The following TAPT1 variants were observed in gnomAD, a reference collection of about 807,000 sequenced individuals.
TAPT1 encodes the protein transmembrane anterior posterior transformation protein 1 homolog.
A neutral mutation model predicts 65.6 loss-of-function variants in TAPT1; 28 were observed. The ratio of observed to expected loss-of-function variants is 0.43; its 90% CI spans 0.32 to 0.59. TAPT1 has a LOEUF of 0.59. TAPT1 is among the 20% of genes least tolerant of loss of function. TAPT1 has a pLI of 0.09. For missense variants in TAPT1, 563 were observed against 679.9 expected, an observed-to-expected ratio of 0.83 and a Z score of 1.91; for synonymous variants, 278 against 245.2, an observed-to-expected ratio of 1.13 and a Z score of -1.25.
Position 16,213,875 on chromosome 4 carries a change from T to C in TAPT1, c.223A>G (p.Ser75Gly), listed in dbSNP as rs1397539962. ...AAGTACCCTCTTGTTAGTTCAGCACTGAGGAACCTCAACAATGAAAGCTCT... is the reference window on the plus strand; with the variant it reads ...AAGTACCCTCTTGTTAGTTCAGCACCGAGGAACCTCAACAATGAAAGCTCT... The part of the protein sequence containing the change: ...RTELSLLRFL[S>G]AELTRGYFLE... Residue 75 changes from serine (S) to glycine (G), a missense_variant, in exon 2 of 14, where the codon AGT (serine) becomes GGT (glycine). Transcript: ENST00000405303. The C allele has an allele frequency of 6.3e-7, 1 of 1,597,886 alleles. No individual in the cohort carries two copies.
chr4:16,168,722 T>C (rs993665646), intron 12 of TAPT1, among the ~76,000 whole-genome samples: 1 of 152,256 alleles, frequency 6.6e-6, no homozygotes, highest in African/African-American at 2.4e-5. Context: ...GTTTTTCTAG[T>C]TGTTGTCTAT....
At chr4:16,226,970 A>C (rs1188859576), upstream of TAPT1, 4 of 423,688 alleles carry the variant, frequency 9.4e-6, no homozygotes, top group Non-Finnish European at 1.9e-5. Context: ...GCCGCCCGCC[A>C]GGTCTTGGCA....
At chr4:16,169,887 C>T (rs1747881260) in intron 12 of TAPT1, among the ~76,000 whole-genome samples, 1 of 152,218 alleles carries the variant, frequency 6.6e-6, no homozygotes, top group Non-Finnish European at 1.5e-5. Flanking sequence ...GTTGTGACTG[C>T]TATGCTTACC....
chr4:16,202,331 G>C, intron 3 of TAPT1, 131 bp downstream of exon 3: 1 of 477,442 alleles, frequency 2.1e-6, no homozygotes, highest in Non-Finnish European at 3.8e-6. Context: ...CATTAAAAAG[G>C]TAAACAGTTT....
At chr4:16,204,698 C>T (rs918365102) in intron 2 of TAPT1, among the ~76,000 whole-genome samples, 5 of 152,168 alleles carry the variant, frequency 3.3e-5, no homozygotes, top group Admixed American at 6.5e-5. Flanking sequence ...TGTGCATGGC[C>T]GCAGTCTAGT....
At chr4:16,221,932 C>A (rs1296346677) in intron 1 of TAPT1, among the ~76,000 whole-genome samples, 1 of 152,148 alleles carries the variant, frequency 6.6e-6, no homozygotes, top group African/African-American at 2.4e-5. Flanking sequence ...AGTAAAGAAC[C>A]ATTTCACACA....
chr4:16,164,228 C>A (rs966574942), intron 13 of TAPT1, among the ~76,000 whole-genome samples: 1 of 152,166 alleles, frequency 6.6e-6, no homozygotes, highest in Non-Finnish European at 1.5e-5. Flanking sequence ...GTGCATACAC[C>A]TGGTCACACT....
intron 2 of TAPT1, among the ~76,000 whole-genome samples, chr4:16,211,248 A>G (rs937545205): frequency 2.0e-5 from 3 of 152,046 alleles, no homozygotes; most frequent in Non-Finnish European, 2.9e-5. Flanking sequence ...AATGAGTAAG[A>G]TATTATATAT....
At chr4:16,168,566 T>C (rs1451980917) in intron 12 of TAPT1, among the ~76,000 whole-genome samples, 1 of 152,138 alleles carries the variant, frequency 6.6e-6, no homozygotes, top group Non-Finnish European at 1.5e-5. Flanking sequence ...GCTGCACAGC[T>C]CCCTTCCTTA....
At chr4:16,188,876 C>T (rs1165079006) in intron 4 of TAPT1, among the ~76,000 whole-genome samples, 1 of 150,834 alleles carries the variant, frequency 6.6e-6, no homozygotes, top group Non-Finnish European at 1.5e-5. Flanking sequence ...GCCGAGATTG[C>T]GCCACTACAC....
At chr4:16,226,572 GCCAT>G, upstream of TAPT1, 7 of 696,454 alleles carry the variant, frequency 1.0e-5, no homozygotes, top group South Asian at 6.3e-5. Flanking sequence ...CGCCGCCGCC[GCCAT>G]CCGCGGCCCG....
chr4:16,214,694 G>A (rs1424366439), intron 1 of TAPT1: 1 of 152,172 alleles, frequency 6.6e-6, no homozygotes, highest in Non-Finnish European at 1.5e-5. Flanking sequence ...ACACTTCCCT[G>A]ATAGCCCATC....
intron 7 of TAPT1, 131 bp from the exon 8 acceptor site, chr4:16,179,788 T>TTATATATATATATATGTGTATATA: frequency 2.3e-6 from 1 of 430,184 alleles, no homozygotes; most frequent in Non-Finnish European, 4.1e-6. Flanking sequence ...ATATACAACT[T>TTATATATATATATATGTGTATATA]TATATATATA....
intron 2 of TAPT1, among the ~76,000 whole-genome samples, chr4:16,203,648 C>G (rs569652287): frequency 6.6e-4 from 101 of 152,234 alleles, no homozygotes; most frequent in African/African-American, 2.4e-3. Context: ...AAGAGGAAGG[C>G]AGCCATCTGC....
At chr4:16,209,819 T>C (rs1257025877) in intron 2 of TAPT1, among the ~76,000 whole-genome samples, 1 of 152,214 alleles carries the variant, frequency 6.6e-6, no homozygotes, top group African/African-American at 2.4e-5. Context: ...CCTAGGACAG[T>C]ATCTGACACC....
chr4:16,191,030 G>A (rs953957182), intron 4 of TAPT1: 1 of 214,604 alleles, frequency 4.7e-6, no homozygotes, highest in Non-Finnish European at 9.4e-6. Flanking sequence ...GATACTCAAG[G>A]GGGTACTGGT....
At position 16,162,525 on chromosome 4, in the gene TAPT1, C is replaced by T. The variant is rs984861883; in HGVS notation, c.*783G>A. On this transcript the variant is annotated 3_prime_UTR_variant, in exon 14 of 14. Transcript: ENST00000405303. Reference sequence around the variant, plus strand: ...AGTTAAGTATACCTTAAAGTTAACACTGCTCTGCTTCCTTGGTGTAAAAAG... The same window carrying T: ...AGTTAAGTATACCTTAAAGTTAACATTGCTCTGCTTCCTTGGTGTAAAAAG... 1 of 153,072 alleles carries T rather than the reference C, an allele frequency of 6.5e-6. No homozygotes were observed. The highest frequency in any genetic ancestry group is 1.5e-5 in the Non-Finnish European group (1 of 68,510). 9.5% of individuals were successfully genotyped at this position (153,072 alleles called of 1,614,324 possible).
chr4:16,175,726 TTCATAATCGTG>T (rs1460465338), intron 9 of TAPT1, among the ~76,000 whole-genome samples: 4 of 152,158 alleles, frequency 2.6e-5, no homozygotes, highest in Admixed American at 1.3e-4. Flanking sequence ...CAGGAACCTA[TTCATAATCGTG>T]GAAAAAAATC....
In TAPT1 at chr4:16,174,656, T is replaced by C; in HGVS notation, c.1167+14A>G. 2 of 1,582,790 alleles carry C rather than the reference T, an allele frequency of 1.3e-6. No homozygotes were observed. The highest frequency in any genetic ancestry group is 1.7e-6 in the Non-Finnish European group (2 of 1,163,286). The stretch of plus-strand genomic sequence containing the variant: ...CTTTGTTAATTTCAGACTACGCCCT[T>C]GATAAATGCTCACATTTTTCTGTCG... On this transcript the variant is annotated intron_variant, in intron 10 of 13. Coordinates refer to ENST00000405303, the MANE Select transcript of TAPT1 (RefSeq NM_153365.3).
Sources: allele counts gnomAD v4.1 joint callset (sites outside exome capture counted in the v4.1 genomes callset), GRCh38; gene constraint gnomAD v4.1.1; transcripts MANE v1.5; gene names NCBI Gene and HGNC (gene_info 2026-07-23, HGNC 2026-07-21).